The following ADGRL3 variants were observed in gnomAD, a reference collection of about 807,000 sequenced individuals.
ADGRL3 encodes calcium-independent alpha-latrotoxin receptor 3.
A neutral mutation model predicts 153.5 loss-of-function variants in ADGRL3; 62 were observed. The ratio of observed to expected loss-of-function variants is 0.40; its 90% confidence interval spans 0.33 to 0.50. ADGRL3 has a LOEUF of 0.50. Among genes scored for constraint, ADGRL3 ranks in the 20% least tolerant of loss-of-function variants. The pLI is 0.47. For missense variants in ADGRL3, 1,641 were observed against 1,859.4 expected (o/e 0.88, Z 2.16); for synonymous variants, 710 against 672.5 (o/e 1.06, Z -0.86).
At position 61,811,993 on chromosome 4, in the gene ADGRL3, T is replaced by C. The variant is rs142554992; in HGVS notation, c.1400-1816T>C. 6.0e-3 allele frequency among the ~76,000 whole-genome samples: 907 copies of C among 152,274 alleles called. 9 individuals carry two copies. Among genetic ancestry groups the C allele is most frequent in the African/African-American group, 0.021 (853 of 41,568 alleles). The stretch of plus-strand genomic sequence containing the variant: ...GTATTTACAATATTACATACGATAT[T>C]ACGATATTGTAGTTACGATATTTAC... On this transcript the variant is annotated intron_variant, in intron 8 of 26. Transcript: ENST00000683033.
chr4:61,991,791 T>TA (rs1392164483), intron 19 of ADGRL3, among the ~76,000 whole-genome samples: 1 of 151,498 alleles, frequency 6.6e-6, no homozygotes, highest in Admixed American at 6.6e-5. Context: ...TTGGCATATA[T>TA]ACCTGTCCCT....
At chr4:61,478,053 C>G (rs2098086404) in intron 2 of ADGRL3, among the ~76,000 whole-genome samples, 1 of 151,902 alleles carries the variant, frequency 6.6e-6, no homozygotes, top group African/African-American at 2.4e-5. Flanking sequence ...TCTTAAAAGT[C>G]ACGTTTCATT....
chr4:61,644,883 G>A (rs7668545), intron 5 of ADGRL3, among the ~76,000 whole-genome samples: 4 of 151,332 alleles, frequency 2.6e-5, no homozygotes, highest in Non-Finnish European at 4.4e-5. Context: ...TTGACAGTGG[G>A]GTGTTAAAGT....
intron 21 of ADGRL3, among the ~76,000 whole-genome samples, chr4:62,006,969 T>A (rs1205937787): frequency 6.6e-6 from 1 of 152,056 alleles, no homozygotes; most frequent in African/African-American, 2.4e-5. Context: ...GTTCTAGAGT[T>A]GGTTCAAAAG....
At chr4:61,783,826 G>A (rs1376400658) in intron 8 of ADGRL3, among the ~76,000 whole-genome samples, 1 of 151,740 alleles carries the variant, frequency 6.6e-6, no homozygotes, top group African/African-American at 2.4e-5. Flanking sequence ...TGCATCATGT[G>A]GATTTATTTT....
At chr4:61,460,366 A>T (rs1453906096) in intron 2 of ADGRL3, among the ~76,000 whole-genome samples, 1 of 152,156 alleles carries the variant, frequency 6.6e-6, no homozygotes, top group Non-Finnish European at 1.5e-5. Context: ...CTATTCAGCC[A>T]TAAAAGGGAA....
At chr4:61,619,493 C>T (rs1202966519) in intron 5 of ADGRL3, among the ~76,000 whole-genome samples, 5 of 145,396 alleles carry the variant, frequency 3.4e-5, no homozygotes, top group African/African-American at 1.3e-4. Context: ...TGCTTTATTG[C>T]TAGGTTTTTG....
chr4:61,299,682 C>T (rs1333872726), intron 1 of ADGRL3, among the ~76,000 whole-genome samples: 1 of 152,016 alleles, frequency 6.6e-6, no homozygotes, highest in Non-Finnish European at 1.5e-5. Flanking sequence ...GTCACATGAC[C>T]CAAAGAACTG....
chr4:61,520,001 A>G (rs902867735), intron 4 of ADGRL3, among the ~76,000 whole-genome samples: 4 of 152,238 alleles, frequency 2.6e-5, no homozygotes, highest in African/African-American at 7.2e-5. Flanking sequence ...CCATAACAAC[A>G]TAACAAAATG....
At chr4:61,746,034 CAAA>C (rs1364715367) in intron 8 of ADGRL3, among the ~76,000 whole-genome samples, 1 of 151,476 alleles carries the variant, frequency 6.6e-6, no homozygotes, top group Admixed American at 6.6e-5. Context: ...AAATGGAAAA[CAAA>C]AAAAGGCAGG....
At chr4:61,254,409 C>G (rs2091766573) in intron 1 of ADGRL3, among the ~76,000 whole-genome samples, 1 of 152,074 alleles carries the variant, frequency 6.6e-6, no homozygotes, top group Non-Finnish European at 1.5e-5. Context: ...AAGTTTCTAC[C>G]TTCTTAGTGC....
At chr4:61,794,043 A>C (rs1049957067) in intron 8 of ADGRL3, among the ~76,000 whole-genome samples, 1 of 152,212 alleles carries the variant, frequency 6.6e-6, no homozygotes, top group Non-Finnish European at 1.5e-5. Flanking sequence ...TTAGATAAAA[A>C]AGGTGCTAGG....
rs1168338211 is a variant in ADGRL3, at chr4:61,881,051, T to C, written c.1481-11605T>C. On this transcript the variant is annotated intron_variant, in intron 9 of 26. Transcript: ENST00000683033. ...GGATCCCCTGTTTGTTTCATCCTTA[T>C]GTTTATTTGATGAAAAATCAATACT... Among the ~76,000 whole-genome samples the C allele has an allele frequency of 1.1e-4, 17 of 152,310 alleles. No individual in the cohort carries two copies. The East Asian group carries it at 3.3e-3, about 29-fold the overall frequency.
intron 1 of ADGRL3, among the ~76,000 whole-genome samples, chr4:61,340,043 G>A (rs1320251800): frequency 6.6e-6 from 1 of 152,152 alleles, no homozygotes; most frequent in Admixed American, 6.6e-5. Context: ...GTGTGAAGTT[G>A]AGTAGGGTAT....
chr4:61,260,521 G>T (rs1440069803), intron 1 of ADGRL3, among the ~76,000 whole-genome samples: 1 of 152,092 alleles, frequency 6.6e-6, no homozygotes. Flanking sequence ...TTCTAATGTT[G>T]GAAAAGTTAC....
At chr4:61,348,337 A>C in intron 1 of ADGRL3, among the ~76,000 whole-genome samples, 1 of 152,136 alleles carries the variant, frequency 6.6e-6, no homozygotes, top group East Asian at 1.9e-4. Context: ...GACATTTGTT[A>C]ATCTTTGTCT....
chr4:61,717,927 G>A (rs1048022425), intron 6 of ADGRL3, among the ~76,000 whole-genome samples: 54 of 152,130 alleles, frequency 3.5e-4, no homozygotes, highest in African/African-American at 1.3e-3. Context: ...CTAGCTACTC[G>A]GGTGGCTGAG....
At chr4:61,860,165 C>T (rs2098325954) in intron 9 of ADGRL3, among the ~76,000 whole-genome samples, 1 of 151,962 alleles carries the variant, frequency 6.6e-6, no homozygotes, top group South Asian at 2.1e-4. Context: ...TAAAACCTTC[C>T]CAGGTGCTTT....
intron 2 of ADGRL3, among the ~76,000 whole-genome samples, chr4:61,492,655 A>G (rs1168996132): frequency 3.9e-5 from 6 of 152,158 alleles, no homozygotes; most frequent in Non-Finnish European, 5.9e-5. Context: ...TCTCCCATTT[A>G]GAAGACTTAC....
Sources: allele counts gnomAD v4.1 joint callset (sites outside exome capture counted in the v4.1 genomes callset), GRCh38; gene constraint gnomAD v4.1.1; transcripts MANE v1.5; gene names NCBI Gene and HGNC (gene_info 2026-07-23, HGNC 2026-07-21).